GBF1: variants seen among roughly 807,000 people sequenced by gnomAD.
GBF1 encodes golgi brefeldin A resistant guanine nucleotide exchange factor 1.
GBF1 carries 114 observed loss-of-function variants against 210.5 expected under a neutral mutation model. The observed-to-expected ratio is 0.54, with a 90% CI of 0.47 to 0.63. The LOEUF is 0.63. Ranked by LOEUF, GBF1 falls within the 30% of genes least tolerant of loss-of-function variation. GBF1 has a pLI of 0.00. For synonymous variants in GBF1, 850 were observed against 889.2 expected, an observed-to-expected ratio of 0.96 and a Z score of 0.78; for missense variants, 1,851 against 2,357.7, an observed-to-expected ratio of 0.79 and a Z score of 4.45.
Position 102,351,980 on chromosome 10 carries a change from C to T in GBF1, c.523+29C>T, listed in dbSNP as rs1311844155. ...GGTGCTTGGATATTAGCCCCTTCAC[C>T]ATTCCTGGGGCCAGTGTCTGAGTAT... is the stretch of plus-strand genomic sequence containing the variant. On this transcript the variant is annotated intron_variant, in intron 6 of 39. Transcript: ENST00000369983. 2.5e-6 allele frequency: 3 copies of T among 1,178,346 alleles called. 1 individual carries two copies. In the South Asian group the frequency reaches 3.6e-5, roughly 14 times the overall value. The allele number at this position is 1,178,346 out of a possible 1,614,324, so 73.0% of individuals were successfully genotyped here. A position where few individuals can be genotyped will look rare whatever the true frequency, so the allele number is the denominator to read the frequency against.
chr10:102,314,640 C>G (rs1589603858), intron 3 of GBF1, among the ~76,000 whole-genome samples: 1 of 152,116 alleles, frequency 6.6e-6, no homozygotes, highest in Non-Finnish European at 1.5e-5. Flanking sequence ...TTGAATTTTT[C>G]TTTTTGAAAT....
intron 29 of GBF1, among the ~76,000 whole-genome samples, chr10:102,371,286 A>G (rs1301060936): frequency 6.6e-6 from 1 of 152,272 alleles, no homozygotes; most frequent in Non-Finnish European, 1.5e-5. Flanking sequence ...CTAACAATGA[A>G]CAATATGGAA....
intron 3 of GBF1, among the ~76,000 whole-genome samples, chr10:102,299,799 A>G (rs2077195119): frequency 6.6e-6 from 1 of 152,238 alleles, no homozygotes; most frequent in Non-Finnish European, 1.5e-5. Context: ...AAATTAAAAA[A>G]TAAATGTAAA....
intron 3 of GBF1, among the ~76,000 whole-genome samples, chr10:102,261,758 A>T (rs1459753354): frequency 6.6e-6 from 1 of 151,482 alleles, no homozygotes; most frequent in Non-Finnish European, 1.5e-5. Context: ...AGTAGCTGGG[A>T]TTACAGACGT....
Position 102,361,079 on chromosome 10 carries a change from C to G in GBF1, c.1450C>G (p.Leu484Val). ...YAASLRVCFL[L>V]FESMREHLKF... The stretch of plus-strand genomic sequence containing the variant: ...TGCTTCCCTGCGAGTATGCTTCCTA[C>G]TGTTTGAGAGCATGCGAGAGCACCT... Residue 484 changes from leucine (L) to valine (V), a missense_variant, in exon 13 of 40, where the codon CTG (leucine) becomes GTG (valine). Around this residue, in one of 3 missense-constraint regions of GBF1, gnomAD observed 804 missense variants for 958.6 expected, o/e 0.84. Transcript: ENST00000369983. 1 of 1,607,240 alleles carries G rather than the reference C, an allele frequency of 6.2e-7. No homozygotes were observed.
chr10:102,380,759 G>A, intron 38 of GBF1, 73 bp downstream of exon 38: 1 of 1,301,058 alleles, frequency 7.7e-7, no homozygotes, highest in South Asian at 1.4e-5. Flanking sequence ...TCTAATCCCA[G>A]CACTTTGAGA....
chr10:102,238,042 T>A, the GBF1 span, among the ~76,000 whole-genome samples: 3 of 152,098 alleles, frequency 2.0e-5, no homozygotes, highest in Admixed American at 6.5e-5. Flanking sequence ...GAGAAACTAT[T>A]AACTGAAAGG....
intron 3 of GBF1, among the ~76,000 whole-genome samples, chr10:102,318,857 T>C (rs2056111772): frequency 6.6e-6 from 1 of 152,188 alleles, no homozygotes; most frequent in Non-Finnish European, 1.5e-5. Flanking sequence ...ACCACCCCAT[T>C]CTCCTTTCCT....
chr10:102,358,543 C>T lies in GBF1; in HGVS notation c.825C>T (p.Ser275=). The change falls in exon 10 of 40, where the codon TCC becomes TCT. Residue 275 remains serine (S), a synonymous_variant. Transcript: ENST00000369983. The part of the protein sequence containing the change: ...MPFIDVPTPI[S]SASSEAASAV... ...TCATTGATGTGCCCACTCCCATCTC[C>T]TCTGCAAGTTCAGAAGCTGCCTCAG... is the stretch of plus-strand genomic sequence containing the variant. 6.2e-7 allele frequency: 1 copy of T among 1,614,056 alleles called. No homozygotes were observed. The highest frequency in any genetic ancestry group is 8.5e-7 in the Non-Finnish European group (1 of 1,179,920).
intron 3 of GBF1, 123 bp downstream of exon 3, chr10:102,260,239 C>A (rs899450423): frequency 3.7e-6 from 2 of 536,758 alleles, no homozygotes; most frequent in African/African-American, 3.9e-5. Context: ...CTTTGTGGGC[C>A]ATACACAACT....
chr10:102,270,054 A>G (rs2074245986), intron 3 of GBF1, among the ~76,000 whole-genome samples: 1 of 150,002 alleles, frequency 6.7e-6, no homozygotes, highest in Non-Finnish European at 1.5e-5. Flanking sequence ...AATTTTTTGT[A>G]TTTTTAGTAG....
intron 3 of GBF1, among the ~76,000 whole-genome samples, chr10:102,339,045 G>A (rs933027663): frequency 2.4e-4 from 37 of 152,120 alleles, no homozygotes; most frequent in African/African-American, 8.9e-4. Context: ...AAATGAAGTT[G>A]GAGGAATCAC....
chr10:102,381,823 GAAAAA>G (rs386372282), intron 39 of GBF1, among the ~76,000 whole-genome samples: 8 of 19,116 alleles, frequency 4.2e-4, no homozygotes, highest in East Asian at 1.7e-3. Context: ...ACCCTGTCGC[GAAAAA>G]AAAAAAAAAA....
At chr10:102,317,609 A>G (rs912060358) in intron 3 of GBF1, among the ~76,000 whole-genome samples, 3 of 152,184 alleles carry the variant, frequency 2.0e-5, no homozygotes, top group Non-Finnish European at 4.4e-5. Flanking sequence ...CAAGAGCAAG[A>G]CTACATCTTT....
At chr10:102,291,837 C>T (rs1356461954) in intron 3 of GBF1, among the ~76,000 whole-genome samples, 4 of 151,848 alleles carry the variant, frequency 2.6e-5, no homozygotes. Flanking sequence ...GCTGCTGTGT[C>T]CAGTCATTCT....
chr10:102,306,586 G>C (rs1211460483), intron 3 of GBF1, among the ~76,000 whole-genome samples: 1 of 152,146 alleles, frequency 6.6e-6, no homozygotes, highest in East Asian at 1.9e-4. Context: ...ACCAAGCCTG[G>C]CTTATTTTTG....
chr10:102,313,609 C>A (rs539764643), intron 3 of GBF1, among the ~76,000 whole-genome samples: 1 of 152,160 alleles, frequency 6.6e-6, no homozygotes, highest in East Asian at 1.9e-4. Context: ...GATTTCTTGT[C>A]GGCCTGAGCT....
chr10:102,315,864 A>G (rs1466428520), intron 3 of GBF1, among the ~76,000 whole-genome samples: 1 of 152,084 alleles, frequency 6.6e-6, no homozygotes, highest in Non-Finnish European at 1.5e-5. Context: ...CTTGCAGACT[A>G]CAATTTAGCA....
chr10:102,352,660 G>T, intron 7 of GBF1, 142 bp downstream of exon 7: 1 of 666,318 alleles, frequency 1.5e-6, no homozygotes, highest in Middle Eastern at 4.0e-4. Flanking sequence ...TAGTTCTCTG[G>T]GCCCAGGGTT....
Sources: gnomAD v4.1 joint callset for allele counts (sites outside exome capture counted in the v4.1 genomes callset) on GRCh38, gnomAD v4.1.1 for gene constraint, gnomAD v4.1.1 regional missense constraint, MANE v1.5 for transcripts, NCBI Gene and HGNC (gene_info 2026-07-23, HGNC 2026-07-21) for gene names.